SACS: variants seen among roughly 807,000 people sequenced by gnomAD.
SACS encodes sacsin molecular chaperone.
SACS carries 197 observed loss-of-function variants against 348.0 expected under a neutral mutation model. That is an observed-to-expected ratio of 0.57 (90% confidence interval 0.50 to 0.64). The LOEUF (loss-of-function observed/expected upper bound fraction) is 0.64, where lower values mean the gene tolerates loss of function less well. Ranked by LOEUF, SACS falls within the 30% of genes least tolerant of loss-of-function variation. The pLI, the probability that SACS is intolerant of heterozygous loss-of-function variation, is 0.00. For synonymous variants in SACS, 1,985 were observed against 1,910.6 expected, an observed-to-expected ratio of 1.04 and a Z score of -1.02; for missense variants, 4,999 against 5,360.8, an observed-to-expected ratio of 0.93 and a Z score of 2.11.
At position 23,337,184 on chromosome 13, in the gene SACS, C is replaced by T; in HGVS notation, c.6692G>A (p.Gly2231Asp). 6.2e-7 allele frequency: 1 copy of T among 1,613,922 alleles called. No homozygotes were observed. The highest frequency in any genetic ancestry group is 8.5e-7 in the Non-Finnish European group (1 of 1,179,890). Reference sequence around the variant, plus strand: ...CATGGTTTCAGGCTTAAAACTGTTGCCTTTCCAGTCCAAAGAAAAACCTGC... The same window carrying T: ...CATGGTTTCAGGCTTAAAACTGTTGTCTTTCCAGTCCAAAGAAAAACCTGC... Reference protein sequence around the residue: ...KPAGFSLDWKGNSFKPETMFA... With the variant: ...KPAGFSLDWKDNSFKPETMFA... The change falls in exon 10 of 10, where the codon GGC becomes GAC. Residue 2231 changes from glycine (G) to aspartate (D), a missense_variant. This residue lies in a region of SACS where 3,156 missense variants were observed against 3,380.1 expected (regional missense o/e 0.93). Transcript: ENST00000382292.
At chr13:23,397,072 T>G (rs1354335503) in intron 2 of SACS, among the ~76,000 whole-genome samples, 1 of 152,174 alleles carries the variant, frequency 6.6e-6, no homozygotes, top group Non-Finnish European at 1.5e-5. Context: ...GATGGTAGAT[T>G]CATAAAACTT....
chr13:23,407,051 C>A (rs1873255758), intron 2 of SACS, among the ~76,000 whole-genome samples: 1 of 152,162 alleles, frequency 6.6e-6, no homozygotes, highest in Non-Finnish European at 1.5e-5. Context: ...TATGCCATCA[C>A]CAAGGACATT....
chr13:23,416,105 C>G (rs1336493944), intron 1 of SACS, among the ~76,000 whole-genome samples: 1 of 151,886 alleles, frequency 6.6e-6, no homozygotes, highest in Non-Finnish European at 1.5e-5. Flanking sequence ...CATGGTGAAA[C>G]CCTGTCTCTA....
intron 9 of SACS, among the ~76,000 whole-genome samples, chr13:23,351,454 T>A (rs1345164010): frequency 6.6e-6 from 1 of 152,118 alleles, no homozygotes; most frequent in East Asian, 1.9e-4. Context: ...ACTGTTCTCA[T>A]GGTACTGACT....
intron 1 of SACS, among the ~76,000 whole-genome samples, chr13:23,432,565 G>A (rs1227727292): frequency 6.6e-6 from 1 of 152,186 alleles, no homozygotes; most frequent in Non-Finnish European, 1.5e-5. Context: ...TCATGACCCT[G>A]CATTAACGTA....
rs374129015 is a variant in SACS, at chr13:23,334,708, A to G, written c.9168T>C (p.Tyr3056=). ...TTTCTAAAAGGAGATGTTTCAGCCT[A>G]TAGACATTCTCTGCTACTGTTTTGC... is the stretch of plus-strand genomic sequence containing the variant. ...TTRKTVAENV[Y]RLKHLLLEIG... Residue 3056 remains tyrosine, a synonymous_variant, in exon 10 of 10, where the codon TAT becomes TAC. Coordinates refer to ENST00000382292, the MANE Select transcript of SACS (RefSeq NM_014363.6). 40 of 1,613,688 alleles carry G rather than the reference A, an allele frequency of 2.5e-5. No homozygotes were observed. Among genetic ancestry groups the G allele is most frequent in the Non-Finnish European group, 3.3e-5 (39 of 1,179,794 alleles).
chr13:23,380,030 C>T (rs760772724), intron 2 of SACS, among the ~76,000 whole-genome samples: 5 of 152,054 alleles, frequency 3.3e-5, no homozygotes, highest in Non-Finnish European at 5.9e-5. Flanking sequence ...CACATGACAT[C>T]GTTGATTCTT....
In SACS at chr13:23,331,013, G is replaced by C. The variant is rs773678758; in HGVS notation, c.12863C>G (p.Thr4288Ser). The C allele has an allele frequency of 6.2e-7, 1 of 1,614,020 alleles. No individual in the cohort carries two copies. Among genetic ancestry groups the C allele is most frequent in the African/African-American group, 1.3e-5 (1 of 74,928 alleles). The change falls in exon 10 of 10, where the codon ACT becomes AGT. Residue 4288 changes from threonine (T) to serine (S), a missense_variant. Transcript: ENST00000382292. ...PLFSGRESHK[T>S]SSKHQSPKKL... ...TTTGGGGGACTGATGTTTGGAAGAA[G>C]TCTTGTGGCTCTCTCTACCAGAGAA...
intron 8 of SACS, among the ~76,000 whole-genome samples, 159 bp from the exon 9 acceptor site, chr13:23,354,035 T>C (rs572364799): frequency 5.3e-5 from 8 of 152,370 alleles, no homozygotes; most frequent in Non-Finnish European, 8.8e-5. Context: ...TGATCAAATA[T>C]TATCTAGACT....
Position 23,335,342 on chromosome 13 carries a change from A to C in SACS, c.8534T>G (p.Ile2845Ser). 5 of 1,613,928 alleles carry C rather than the reference A, an allele frequency of 3.1e-6. No individual in the cohort carries two copies. Among genetic ancestry groups the C allele is most frequent in the Non-Finnish European group, 4.2e-6 (5 of 1,179,876 alleles). Residue 2845 changes from isoleucine (I) to serine (S), a missense_variant, in exon 10 of 10, where the codon ATT (isoleucine) becomes AGT (serine). By Grantham distance (142) the Ile-to-Ser change is moderately radical (BLOSUM62 -2). Around this residue, in one of 6 missense-constraint regions of SACS, gnomAD observed 3,156 missense variants for 3,380.1 expected, o/e 0.93. Coordinates refer to ENST00000382292, the MANE Select transcript of SACS (RefSeq NM_014363.6). This position sits in a 1 kb window ranked among gnomAD's most constrained non-coding sequence, Gnocchi z 4.7. The stretch of plus-strand genomic sequence containing the variant: ...TACTCCACCACGTGGGAAAAGAGTA[A>C]TATCTTGGTTCTTGTGAGCTGATAT... ...SVISAHKNQD[I>S]TLFPRGGVAA...
At chr13:23,380,723 C>T (rs1247946021) in intron 2 of SACS, among the ~76,000 whole-genome samples, 1 of 152,194 alleles carries the variant, frequency 6.6e-6, no homozygotes, top group Non-Finnish European at 1.5e-5. Context: ...AGACCACACA[C>T]AGGGCCATGA....
At chr13:23,402,600 T>C (rs904183193) in intron 2 of SACS, among the ~76,000 whole-genome samples, 2 of 152,216 alleles carry the variant, frequency 1.3e-5, no homozygotes, top group African/African-American at 4.8e-5. Flanking sequence ...GACTGGAATG[T>C]CATATTTGAG....
chr13:23,387,417 G>A (rs1008420605), intron 2 of SACS, among the ~76,000 whole-genome samples: 3 of 146,146 alleles, frequency 2.1e-5, no homozygotes, highest in Non-Finnish European at 4.5e-5. Context: ...AGCAGAGATC[G>A]TGCCACTGCA....
At position 23,346,487 on chromosome 13, in the gene SACS, T is replaced by C. The variant is rs750552788; in HGVS notation, c.2186-4797A>G. ...CGGAATATTTGTGTGCGTCGTATAA[T>C]AGAGGTGCATTCACTATCAAACTTC... On this transcript the variant is annotated intron_variant, in intron 9 of 9. Transcript: ENST00000382292. Among the ~76,000 whole-genome samples, 222 of 152,154 alleles carry C rather than the reference T, an allele frequency of 1.5e-3. 1 individual carries two copies. Among genetic ancestry groups the C allele is most frequent in the Non-Finnish European group, 1.5e-3 (105 of 68,020 alleles).
chr13:23,399,037 A>AAAAAAAAAAAAAAAAAAAAAAAC (rs55848856), intron 2 of SACS, among the ~76,000 whole-genome samples: 13 of 149,850 alleles, frequency 8.7e-5, no homozygotes, highest in African/African-American at 3.2e-4. Flanking sequence ...AAAAAAAAAA[A>AAAAAAAAAAAAAAAAAAAAAAAC]CATGGATGCC....
chr13:23,338,131 A>G lies in SACS; in HGVS notation c.5745T>C (p.His1915=), dbSNP rs750789221. 3 of 1,614,042 alleles carry G rather than the reference A, an allele frequency of 1.9e-6. No homozygotes were observed. The highest frequency in any genetic ancestry group is 2.5e-6 in the Non-Finnish European group (3 of 1,179,936). ...KGRWNTTFMR[H]VIVKAYLQVL... Reference sequence around the variant, plus strand: ...CCTGTAAGTAAGCTTTCACAATAACATGTCTCATGAACGTGGTATTCCATC... The same window carrying G: ...CCTGTAAGTAAGCTTTCACAATAACGTGTCTCATGAACGTGGTATTCCATC... Residue 1915 remains histidine, a synonymous_variant, in exon 10 of 10, where the codon CAT becomes CAC. Transcript: ENST00000382292.
Position 23,335,841 on chromosome 13 carries a change from A to G in SACS, c.8035T>C (p.Ser2679Pro). The change falls in exon 10 of 10, where the codon TCA becomes CCA. Residue 2679 changes from serine (S) to proline (P), a missense_variant. Physicochemically the swap from Ser to Pro is moderately conservative, Grantham distance 74. Coordinates refer to ENST00000382292, the MANE Select transcript of SACS (RefSeq NM_014363.6). This position sits in a 1 kb window ranked among gnomAD's most constrained non-coding sequence, Gnocchi z 4.7. ...DLDADFRTQF[S>P]DVLDLYLGTH... Reference sequence around the variant, plus strand: ...CCCAGATAAAGATCCAGAACATCTGAGAACTGTGTCCTAAAATCTGCATCC... The same window carrying G: ...CCCAGATAAAGATCCAGAACATCTGGGAACTGTGTCCTAAAATCTGCATCC... 1 of 1,614,028 alleles carries G rather than the reference A, an allele frequency of 6.2e-7. No homozygotes were observed. The highest frequency in any genetic ancestry group is 8.5e-7 in the Non-Finnish European group (1 of 1,179,918).
At chr13:23,359,053 G>A (rs1014432418) in intron 6 of SACS, among the ~76,000 whole-genome samples, 1 of 152,006 alleles carries the variant, frequency 6.6e-6, no homozygotes, top group Non-Finnish European at 1.5e-5. Flanking sequence ...ATGGTGGCAC[G>A]CGCCTGTAAT....
At chr13:23,433,287 A>T (rs1281665717) in intron 1 of SACS, among the ~76,000 whole-genome samples, 2 of 152,146 alleles carry the variant, frequency 1.3e-5, no homozygotes, top group Non-Finnish European at 2.9e-5. Context: ...CTAGTCCAGC[A>T]TCTTGACCGC....
Sources: gnomAD v4.1 joint callset for allele counts (sites outside exome capture counted in the v4.1 genomes callset) on GRCh38, gnomAD v4.1.1 for gene constraint, gnomAD v4.1.1 regional missense constraint, Gnocchi (gnomAD v3.1) non-coding constraint, MANE v1.5 for transcripts, NCBI Gene and HGNC (gene_info 2026-07-23, HGNC 2026-07-21) for gene names.